Variants in PTPRD observed in about 807,000 individuals in gnomAD.
PTPRD encodes the protein protein tyrosine phosphatase receptor type D, also known as receptor-type tyrosine-protein phosphatase delta.
In PTPRD, 34 loss-of-function variants were observed where a neutral mutation model predicts 214.5. The ratio of observed to expected loss-of-function variants is 0.16; its 90% CI spans 0.12 to 0.21. The LOEUF (loss-of-function observed/expected upper bound fraction) is 0.21. Ranked by LOEUF, PTPRD falls within the 10% of genes least tolerant of loss-of-function variation. The pLI, the probability that PTPRD is intolerant of heterozygous loss-of-function variation, is 1.00. For missense variants in PTPRD, 2,545 were observed against 2,398.7 expected, an observed-to-expected ratio of 1.06 and a Z score of -1.27; for synonymous variants, 1,128 against 845.7, an observed-to-expected ratio of 1.33 and a Z score of -5.79.
At chr9:9,898,603 A>C (rs76500629) in intron 5 of PTPRD, among the ~76,000 whole-genome samples, 3,460 of 152,206 alleles carry the variant, frequency 0.023, 152 homozygotes, top group African/African-American at 0.079. Context: ...AGTCACAAAA[A>C]GATTCTTTTG....
chr9:10,319,670 C>G (rs2096517334), intron 3 of PTPRD, among the ~76,000 whole-genome samples: 1 of 151,854 alleles, frequency 6.6e-6, no homozygotes, highest in African/African-American at 2.4e-5. Flanking sequence ...ATGATGAATG[C>G]AGTTAGAAGT....
At chr9:9,497,232 G>C (rs2096234764) in intron 8 of PTPRD, among the ~76,000 whole-genome samples, 1 of 152,108 alleles carries the variant, frequency 6.6e-6, no homozygotes, top group Admixed American at 6.5e-5. Context: ...ACTTAAAAAT[G>C]GTTAGGATAG....
At chr9:10,103,398 T>TATATATA (rs1416027194) in intron 3 of PTPRD, among the ~76,000 whole-genome samples, 7 of 143,140 alleles carry the variant, frequency 4.9e-5, no homozygotes, top group Non-Finnish European at 7.6e-5. Context: ...TATATATTTA[T>TATATATA]TTAAGAGCAT....
At chr9:10,131,860 C>T (rs1275138285) in intron 3 of PTPRD, among the ~76,000 whole-genome samples, 3 of 152,086 alleles carry the variant, frequency 2.0e-5, no homozygotes, top group Non-Finnish European at 4.4e-5. Context: ...TTTCCCATCG[C>T]TTTGTGACAT....
intron 2 of PTPRD, among the ~76,000 whole-genome samples, chr9:10,564,146 G>A (rs935923943): frequency 6.6e-5 from 7 of 106,098 alleles, no homozygotes; most frequent in East Asian, 2.5e-4. Flanking sequence ...CTACTCGGGA[G>A]TGTGCACCAC....
intron 7 of PTPRD, among the ~76,000 whole-genome samples, chr9:9,646,363 A>C (rs1404193545): frequency 6.9e-6 from 1 of 144,412 alleles, no homozygotes; most frequent in Non-Finnish European, 1.5e-5. Context: ...GTGTGTGTGT[A>C]TTTGCCCAGC....
At chr9:10,542,433 A>T (rs1566837126) in intron 2 of PTPRD, among the ~76,000 whole-genome samples, 1 of 152,226 alleles carries the variant, frequency 6.6e-6, no homozygotes, top group African/African-American at 2.4e-5. Context: ...GAACTTGGTC[A>T]TTCTCAACCA....
chr9:9,780,600 A>T (rs975772265), intron 5 of PTPRD, among the ~76,000 whole-genome samples: 10 of 152,214 alleles, frequency 6.6e-5, no homozygotes, highest in African/African-American at 2.4e-4. Context: ...TAATAATGCA[A>T]AAATGGCACA....
intron 14 of PTPRD, among the ~76,000 whole-genome samples, chr9:8,547,980 T>C (rs1485528829): frequency 6.6e-6 from 1 of 152,212 alleles, no homozygotes; most frequent in Non-Finnish European, 1.5e-5. Flanking sequence ...TTAAAAGTTG[T>C]ACCATGTAAG....
intron 3 of PTPRD, among the ~76,000 whole-genome samples, chr9:10,034,664 G>C (rs2097145953): frequency 6.6e-6 from 1 of 152,214 alleles, no homozygotes; most frequent in Non-Finnish European, 1.5e-5. Flanking sequence ...TTATAAGTGA[G>C]AACATGCAGT....
At chr9:9,402,867 C>G (rs1184402904) in intron 8 of PTPRD, among the ~76,000 whole-genome samples, 1 of 139,992 alleles carries the variant, frequency 7.1e-6, no homozygotes, top group East Asian at 2.3e-4. Context: ...AGAAATTATC[C>G]ATAATGTTGC....
chr9:8,398,147 G>A (rs1400485112), intron 36 of PTPRD, among the ~76,000 whole-genome samples: 1 of 152,102 alleles, frequency 6.6e-6, no homozygotes, highest in Non-Finnish European at 1.5e-5. Flanking sequence ...GTAATAAAAT[G>A]CATAACACTA....
intron 14 of PTPRD, among the ~76,000 whole-genome samples, chr9:8,566,320 T>C (rs2089175912): frequency 6.6e-6 from 1 of 152,152 alleles, no homozygotes; most frequent in African/African-American, 2.4e-5. Flanking sequence ...TCTGTACGAA[T>C]AGCTGAGCCT....
intron 3 of PTPRD, among the ~76,000 whole-genome samples, chr9:10,319,528 G>T (rs930194115): frequency 6.6e-6 from 1 of 151,994 alleles, no homozygotes; most frequent in Non-Finnish European, 1.5e-5. Context: ...GGGGAAACAA[G>T]GAAGTGATGT....
chr9:8,949,804 T>G (rs1363389598), intron 11 of PTPRD, among the ~76,000 whole-genome samples: 5 of 152,192 alleles, frequency 3.3e-5, no homozygotes, highest in Non-Finnish European at 5.9e-5. Flanking sequence ...CTTTTTAAAA[T>G]TATAGCATAA....
At chr9:8,792,369 T>G in intron 11 of PTPRD, among the ~76,000 whole-genome samples, 1 of 152,180 alleles carries the variant, frequency 6.6e-6, no homozygotes, top group East Asian at 1.9e-4. Context: ...ATAAATGCAG[T>G]CACTTTCTAG....
intron 12 of PTPRD, among the ~76,000 whole-genome samples, chr9:8,721,963 T>C (rs1344522792): frequency 6.6e-6 from 1 of 152,226 alleles, no homozygotes; most frequent in Non-Finnish European, 1.5e-5. Flanking sequence ...AATTGGGTGA[T>C]TTTGCCCCCC....
chr9:10,059,977 T>C (rs1417953042), intron 3 of PTPRD, among the ~76,000 whole-genome samples: 1 of 152,082 alleles, frequency 6.6e-6, no homozygotes, highest in Non-Finnish European at 1.5e-5. Flanking sequence ...CAGATATTTT[T>C]ACTCCTTCTA....
intron 12 of PTPRD, among the ~76,000 whole-genome samples, chr9:8,638,292 G>A (rs1051312275): frequency 1.3e-5 from 2 of 152,038 alleles, no homozygotes; most frequent in Non-Finnish European, 2.9e-5. Context: ...TTCATCACCA[G>A]TATCTTCTCT....
Sources: allele counts gnomAD v4.1 joint callset (sites outside exome capture counted in the v4.1 genomes callset), GRCh38; gene constraint gnomAD v4.1.1; transcripts MANE v1.5; gene names NCBI Gene and HGNC (gene_info 2026-07-23, HGNC 2026-07-21).